DYNC1I1: variants seen among roughly 807,000 people sequenced by gnomAD.
DYNC1I1 encodes dynein cytoplasmic 1 intermediate chain 1, also known as cytoplasmic dynein 1 intermediate chain 1.
In DYNC1I1, 43 loss-of-function variants were observed where a neutral mutation model predicts 86.6. The observed-to-expected ratio is 0.50, with a 90% confidence interval of 0.39 to 0.64. The LOEUF (loss-of-function observed/expected upper bound fraction) is 0.64, where lower values mean the gene tolerates loss of function less well. Among genes scored for constraint, DYNC1I1 ranks in the 30% least tolerant of loss-of-function variants. The pLI is 0.00. For synonymous variants in DYNC1I1, 262 were observed against 283.7 expected (o/e 0.92, Z 0.77); for missense variants, 604 against 788.8 (o/e 0.77, Z 2.81).
chr7:95,978,305 A>T (rs567800610), intron 7 of DYNC1I1, among the ~76,000 whole-genome samples: 8 of 152,308 alleles, frequency 5.3e-5, no homozygotes, highest in East Asian at 1.9e-4. Flanking sequence ...GTTAAATCCA[A>T]AGTTTACATT....
At chr7:96,046,790 C>T (rs142968330) in intron 14 of DYNC1I1, among the ~76,000 whole-genome samples, 3 of 152,214 alleles carry the variant, frequency 2.0e-5, no homozygotes, top group South Asian at 2.1e-4. Flanking sequence ...ATATTTCTGT[C>T]GTTAGCATCT....
intron 14 of DYNC1I1, among the ~76,000 whole-genome samples, chr7:96,049,330 A>C (rs1789320683): frequency 6.6e-6 from 1 of 152,066 alleles, no homozygotes; most frequent in African/African-American, 2.4e-5. Flanking sequence ...CTTTATCTTA[A>C]TAAAAGAGGC....
intron 1 of DYNC1I1, among the ~76,000 whole-genome samples, chr7:95,781,538 T>G (rs1019638919): frequency 2.0e-5 from 3 of 152,160 alleles, no homozygotes; most frequent in Non-Finnish European, 4.4e-5. Flanking sequence ...CCTGGTATAG[T>G]CTGCCCTGAC....
intron 5 of DYNC1I1, among the ~76,000 whole-genome samples, chr7:95,862,831 T>C (rs1325680897): frequency 6.6e-6 from 1 of 152,232 alleles, no homozygotes; most frequent in East Asian, 1.9e-4. Flanking sequence ...GCTCAAGTTC[T>C]TTATAGAAAC....
chr7:96,047,589 G>A (rs1320216531), intron 14 of DYNC1I1, among the ~76,000 whole-genome samples: 1 of 152,212 alleles, frequency 6.6e-6, no homozygotes, highest in African/African-American at 2.4e-5. Context: ...ACTGGAGACA[G>A]ATTGTGAGTG....
chr7:95,800,154 C>T (rs1399661663), intron 1 of DYNC1I1, among the ~76,000 whole-genome samples: 1 of 150,574 alleles, frequency 6.6e-6, no homozygotes, highest in Non-Finnish European at 1.5e-5. Context: ...AGTGACAACA[C>T]TAAGCAGAGG....
intron 6 of DYNC1I1, among the ~76,000 whole-genome samples, chr7:95,968,019 G>T (rs1437391384): frequency 6.6e-6 from 1 of 152,148 alleles, no homozygotes; most frequent in Non-Finnish European, 1.5e-5. Context: ...CTTTTAGTCT[G>T]CATGTCATAG....
intron 5 of DYNC1I1, among the ~76,000 whole-genome samples, chr7:95,846,696 G>A (rs1789442606): frequency 6.8e-6 from 1 of 147,834 alleles, no homozygotes; most frequent in Non-Finnish European, 1.5e-5. Flanking sequence ...CCAGGTTCAT[G>A]TCCTCAGTGT....
intron 5 of DYNC1I1, among the ~76,000 whole-genome samples, chr7:95,836,327 C>T (rs1036352241): frequency 1.3e-5 from 2 of 152,028 alleles, no homozygotes; most frequent in Non-Finnish European, 2.9e-5. Flanking sequence ...GGGTTTCTGC[C>T]GAGAGATCCG....
chr7:96,026,953 G>T (rs1227805119), intron 10 of DYNC1I1, among the ~76,000 whole-genome samples: 4 of 152,196 alleles, frequency 2.6e-5, no homozygotes, highest in African/African-American at 4.8e-5. Context: ...TGCTACTTGG[G>T]TGTGCAAGTT....
chr7:96,077,200 C>G (rs1434098545), intron 15 of DYNC1I1, among the ~76,000 whole-genome samples: 1 of 151,412 alleles, frequency 6.6e-6, no homozygotes, highest in Non-Finnish European at 1.5e-5. Flanking sequence ...AGGAAGCCCA[C>G]AGCTGGAGGA....
At chr7:95,804,588 T>C in intron 1 of DYNC1I1, 133 bp from the exon 2 acceptor site, 1 of 1,070,822 alleles carries the variant, frequency 9.3e-7, no homozygotes, top group Non-Finnish European at 1.3e-6. Context: ...TCACATAGGC[T>C]AAATAATACA....
chr7:95,849,051 C>T (rs536990932), intron 5 of DYNC1I1, among the ~76,000 whole-genome samples: 9 of 152,160 alleles, frequency 5.9e-5, no homozygotes, highest in Non-Finnish European at 1.2e-4. Context: ...CTACTCAGAT[C>T]CTTTGCCCAT....
intron 10 of DYNC1I1, among the ~76,000 whole-genome samples, chr7:96,005,710 G>T (rs1410460673): frequency 2.6e-5 from 4 of 152,146 alleles, no homozygotes. Context: ...AAAACATTCG[G>T]CAGATATGTT....
At chr7:96,103,596 C>A (rs1484735558) in intron 16 of DYNC1I1, among the ~76,000 whole-genome samples, 1 of 152,094 alleles carries the variant, frequency 6.6e-6, no homozygotes, top group Non-Finnish European at 1.5e-5. Flanking sequence ...CTTATAGTGG[C>A]CCACAGGCTC....
intron 10 of DYNC1I1, among the ~76,000 whole-genome samples, chr7:96,022,734 A>G (rs1794584119): frequency 6.6e-6 from 1 of 151,944 alleles, no homozygotes; most frequent in Non-Finnish European, 1.5e-5. Flanking sequence ...GTGTGGTTGC[A>G]TGTGCCTGTA....
intron 16 of DYNC1I1, among the ~76,000 whole-genome samples, chr7:96,083,219 A>G (rs1790574679): frequency 6.6e-6 from 1 of 152,214 alleles, no homozygotes; most frequent in African/African-American, 2.4e-5. Flanking sequence ...GTTTGATCAT[A>G]TACAAAGCAA....
chr7:95,835,821 C>T (rs960067499), intron 5 of DYNC1I1, among the ~76,000 whole-genome samples: 1 of 151,536 alleles, frequency 6.6e-6, no homozygotes, highest in Non-Finnish European at 1.5e-5. Context: ...TTTCCATTTG[C>T]TTGGTAGATC....
chr7:95,840,328 T>C (rs1204213664), intron 5 of DYNC1I1, among the ~76,000 whole-genome samples: 3 of 152,196 alleles, frequency 2.0e-5, no homozygotes, highest in East Asian at 1.9e-4. Context: ...ACTTTACTTC[T>C]CCTTTCTTCT....
Sources: allele counts gnomAD v4.1 joint callset (sites outside exome capture counted in the v4.1 genomes callset), GRCh38; gene constraint gnomAD v4.1.1; transcripts MANE v1.5; gene names NCBI Gene and HGNC (gene_info 2026-07-23, HGNC 2026-07-21).